Variants in SLC12A1 observed in about 807,000 individuals in gnomAD.
SLC12A1 encodes the protein solute carrier family 12 member 1.
SLC12A1 carries 89 observed loss-of-function variants against 130.4 expected under a neutral mutation model. That is an observed-to-expected ratio of 0.68 (90% CI 0.58 to 0.81). The LOEUF (loss-of-function observed/expected upper bound fraction) is 0.81, where lower values mean the gene tolerates loss of function less well. Ranked by LOEUF, SLC12A1 falls within the 40% of genes least tolerant of loss-of-function variation. The pLI is 0.00. For synonymous variants in SLC12A1, 499 were observed against 460.0 expected, an observed-to-expected ratio of 1.08 and a Z score of -1.09; for missense variants, 1,310 against 1,336.4, an observed-to-expected ratio of 0.98 and a Z score of 0.31.
chr15:48,278,905 A>G (rs1015045595), intron 20 of SLC12A1, among the ~76,000 whole-genome samples: 3 of 152,230 alleles, frequency 2.0e-5, no homozygotes, highest in African/African-American at 7.2e-5. Flanking sequence ...AAGTTTTGCA[A>G]TATTTCTCAA....
chr15:48,283,980 C>T (rs1457181818), intron 20 of SLC12A1, among the ~76,000 whole-genome samples: 1 of 152,208 alleles, frequency 6.6e-6, no homozygotes, highest in Non-Finnish European at 1.5e-5. Context: ...CAGCACATTA[C>T]ATAGCAGCTA....
intron 16 of SLC12A1, among the ~76,000 whole-genome samples, chr15:48,258,297 C>T (rs1443738796): frequency 1.6e-5 from 1 of 62,918 alleles, no homozygotes; most frequent in Non-Finnish European, 2.4e-5. Context: ...GGAGGCGGAG[C>T]TTGCAGTGAG....
chr15:48,250,696 A>ACACACACACACACACACC, intron 14 of SLC12A1, among the ~76,000 whole-genome samples: 1 of 151,910 alleles, frequency 6.6e-6, no homozygotes, highest in Non-Finnish European at 1.5e-5. Context: ...ACACACACAC[A>ACACACACACACACACACC]CACACACACA....
chr15:48,286,001 A>C lies in SLC12A1; in HGVS notation c.2629+752A>C, dbSNP rs540236189. Among the ~76,000 whole-genome samples the C allele has an allele frequency of 4.6e-5, 7 of 152,332 alleles. No individual in the cohort carries two copies. The South Asian group carries it at 1.2e-3, about 27-fold the overall frequency. Reference sequence around the variant, plus strand: ...CGAATGTCCTGTAGTTACTGAAGTCATACACTGGTGTGAGGCCAGGAAAAG... The same window carrying C: ...CGAATGTCCTGTAGTTACTGAAGTCCTACACTGGTGTGAGGCCAGGAAAAG... On this transcript the variant is annotated intron_variant, in intron 21 of 26. Transcript: ENST00000380993.
chr15:48,253,884 G>T (rs376976034), intron 15 of SLC12A1, among the ~76,000 whole-genome samples: 1 of 152,146 alleles, frequency 6.6e-6, no homozygotes, highest in South Asian at 2.1e-4. Context: ...CCTCATTGTG[G>T]TTTAATTTGC....
At chr15:48,263,451 T>C (rs1001340248) in intron 17 of SLC12A1, among the ~76,000 whole-genome samples, 2 of 152,204 alleles carry the variant, frequency 1.3e-5, no homozygotes, top group Non-Finnish European at 2.9e-5. Flanking sequence ...TTTTAAATTT[T>C]GAAACACTAA....
intron 9 of SLC12A1, among the ~76,000 whole-genome samples, chr15:48,236,601 TA>T (rs2041442816): frequency 1.3e-5 from 2 of 152,308 alleles, no homozygotes; most frequent in African/African-American, 2.4e-5. Flanking sequence ...TCCTCAAAGC[TA>T]GTAAGGCCTC....
In SLC12A1 at chr15:48,236,992, G is replaced by A. The variant is rs957020088; in HGVS notation, c.1215+1988G>A. ...TGAGTGCCTGTTCACACCAGGCACT[G>A]AGGAAACAAGGAGCTTCACCTCTCC... On this transcript the variant is annotated intron_variant, in intron 9 of 26. Transcript: ENST00000380993. The A allele has an allele frequency of 4.3e-6, 3 of 702,572 alleles. No homozygotes were observed. In the East Asian group the frequency reaches 8.1e-5, roughly 19 times the overall value. 43.5% of individuals were successfully genotyped at this position (702,572 alleles called of 1,614,324 possible).
At chr15:48,265,922 C>A (rs1440046385) in intron 17 of SLC12A1, among the ~76,000 whole-genome samples, 1 of 151,842 alleles carries the variant, frequency 6.6e-6, no homozygotes, top group Non-Finnish European at 1.5e-5. Context: ...TTGTATTAAC[C>A]CAGTGTGTCC....
At chr15:48,292,119 T>C (rs573170615) in intron 24 of SLC12A1, among the ~76,000 whole-genome samples, 8 of 152,384 alleles carry the variant, frequency 5.2e-5, no homozygotes, top group African/African-American at 1.9e-4. Context: ...AGAATTGCCC[T>C]TCCTGTTCTT....
Position 48,244,903 on chromosome 15 carries a change from A to G in SLC12A1, c.1451A>G (p.Gln484Arg). ...PCQYGLMNNF[Q>R]VMSMVSGFGP... is the part of the protein sequence containing the mutation. ...CAGTACGGGCTGATGAACAATTTCC[A>G]GGTTTGAAGCAAAATTCAAAAATGT... Residue 484 changes from glutamine (Q) to arginine (R), a missense_variant and splice_region_variant, in exon 11 of 27, where the codon CAG (glutamine) becomes CGG (arginine). Gln to Arg is a conservative substitution (Grantham distance 43). Coordinates refer to ENST00000380993, the MANE Select transcript of SLC12A1 (RefSeq NM_000338.3). The G allele has an allele frequency of 6.2e-7, 1 of 1,613,778 alleles. No individual in the cohort carries two copies. Among genetic ancestry groups the G allele is most frequent in the Non-Finnish European group, 8.5e-7 (1 of 1,179,756 alleles).
intron 17 of SLC12A1, among the ~76,000 whole-genome samples, chr15:48,265,505 T>C (rs974435732): frequency 6.6e-6 from 1 of 152,206 alleles, no homozygotes; most frequent in African/African-American, 2.4e-5. Context: ...AAGTTTAGAA[T>C]GCTCAAAGAA....
At chr15:48,298,390 T>C (rs975228835) in intron 24 of SLC12A1, among the ~76,000 whole-genome samples, 1 of 152,250 alleles carries the variant, frequency 6.6e-6, no homozygotes, top group Non-Finnish European at 1.5e-5. Flanking sequence ...CTATAGCTCT[T>C]AGCTGCTAGT....
intron 17 of SLC12A1, among the ~76,000 whole-genome samples, chr15:48,262,565 T>C (rs1213609878): frequency 9.2e-5 from 14 of 152,334 alleles, no homozygotes; most frequent in African/African-American, 3.4e-4. Flanking sequence ...CTTGCTTTTT[T>C]ACTATTCAGC....
At chr15:48,232,497 A>G (rs955033431) in intron 7 of SLC12A1, among the ~76,000 whole-genome samples, 10 of 152,216 alleles carry the variant, frequency 6.6e-5, no homozygotes, top group African/African-American at 2.4e-4. Flanking sequence ...TGTCACGTTC[A>G]ACTGCCCAAA....
chr15:48,287,282 T>G (rs1314394462), intron 21 of SLC12A1, among the ~76,000 whole-genome samples: 1 of 152,110 alleles, frequency 6.6e-6, no homozygotes, highest in Non-Finnish European at 1.5e-5. Context: ...AGAAATCACA[T>G]TTAAAAAAAT....
chr15:48,224,459 T>G (rs2041258065), intron 4 of SLC12A1: 1 of 152,150 alleles, frequency 6.6e-6, no homozygotes, highest in South Asian at 2.1e-4. Flanking sequence ...GGCTTATATA[T>G]CATCTTAACA....
At position 48,220,631 on chromosome 15, in the gene SLC12A1, C is replaced by T; in HGVS notation, c.421-3C>T. 5 of 1,611,954 alleles carry T rather than the reference C, an allele frequency of 3.1e-6. No individual in the cohort carries two copies. Among genetic ancestry groups the T allele is most frequent in the Non-Finnish European group, 4.2e-6 (5 of 1,178,866 alleles). On this transcript the variant is annotated splice_polypyrimidine_tract_variant and splice_region_variant and intron_variant, in intron 2 of 26. Coordinates refer to ENST00000380993, the MANE Select transcript of SLC12A1 (RefSeq NM_000338.3). Reference sequence around the variant, plus strand: ...CTGTGTTTTTGCTATCTATAAAATGCAGAATGTGGCAGTCACCCCAAGTTC... The same window carrying T: ...CTGTGTTTTTGCTATCTATAAAATGTAGAATGTGGCAGTCACCCCAAGTTC...
In SLC12A1 at chr15:48,269,682, CCA is replaced by C. The variant is rs1356639234; in HGVS notation, c.2321_2322del (p.Pro774GlnfsTer8). The C allele has an allele frequency of 6.2e-7, 1 of 1,611,064 alleles. No homozygotes were observed. The highest frequency in any genetic ancestry group is 8.5e-7 in the Non-Finnish European group (1 of 1,177,884). ...GGCCTCAGGCTTAGGAAGAATGAAA[CCA>C]AACACTCTGGTGATTGGATATAAGA... The part of the protein sequence containing the change: ...LQASGLGRMK[P>X]NTLVIGYKKN... On this transcript the variant is annotated frameshift_variant, in exon 19 of 27. Transcript: ENST00000380993. LOFTEE classifies it high-confidence loss of function.
Sources: allele counts gnomAD v4.1 joint callset (sites outside exome capture counted in the v4.1 genomes callset), GRCh38; gene constraint gnomAD v4.1.1; transcripts MANE v1.5; gene names NCBI Gene and HGNC (gene_info 2026-07-23, HGNC 2026-07-21).